Variants in TENM3 observed in about 807,000 individuals in gnomAD.
TENM3 encodes the protein teneurin-3.
In TENM3, 63 loss-of-function variants were observed where a neutral mutation model predicts 255.1. That is an observed-to-expected ratio of 0.25 (90% CI 0.20 to 0.30). The LOEUF is 0.30. Ranked by LOEUF, TENM3 falls within the 10% of genes least tolerant of loss-of-function variation. The probability of loss-of-function intolerance (pLI) is 1.00; values close to 1 mark genes in which losing one functional copy is unlikely to be tolerated. For synonymous variants in TENM3, 1,306 were observed against 1,322.3 expected (o/e 0.99, Z 0.27); for missense variants, 2,929 against 3,461.1 (o/e 0.85, Z 3.86).
At chr4:181,458,562 A>G in the TENM3 span, among the ~76,000 whole-genome samples, 6 of 151,886 alleles carry the variant, frequency 4.0e-5, no homozygotes, top group African/African-American at 7.2e-5. Context: ...AGGCAAGAAC[A>G]GTTTACTTTG....
the TENM3 span, among the ~76,000 whole-genome samples, chr4:182,122,749 A>G: frequency 6.6e-6 from 1 of 152,236 alleles, no homozygotes; most frequent in Non-Finnish European, 1.5e-5. Flanking sequence ...AACTAGCTAC[A>G]TTAGCTAGTT....
chr4:182,530,972 A>T (rs1450237186), intron 3 of TENM3, among the ~76,000 whole-genome samples: 3 of 152,154 alleles, frequency 2.0e-5, no homozygotes. Context: ...AGAGATGTCA[A>T]ATGGGCAGCT....
chr4:181,891,912 G>T, the TENM3 span, among the ~76,000 whole-genome samples: 2 of 152,090 alleles, frequency 1.3e-5, no homozygotes, highest in African/African-American at 4.8e-5. Flanking sequence ...AAGCCATGAG[G>T]ACTCCTTCCT....
the TENM3 span, among the ~76,000 whole-genome samples, chr4:181,568,326 G>A: frequency 6.6e-6 from 1 of 151,960 alleles, no homozygotes; most frequent in African/African-American, 2.4e-5. Flanking sequence ...ACCACACCCA[G>A]ATAATTGTTT....
chr4:182,037,150 A>ATTTTTTTTTTTTTTTTTTTT, the TENM3 span, among the ~76,000 whole-genome samples: 15 of 144,728 alleles, frequency 1.0e-4, no homozygotes, highest in African/African-American at 3.6e-4. Flanking sequence ...AACTCCTTTT[A>ATTTTTTTTTTTTTTTTTTTT]TTTTTTTTTT....
the TENM3 span, among the ~76,000 whole-genome samples, chr4:181,825,089 A>G: frequency 6.6e-6 from 1 of 152,200 alleles, no homozygotes; most frequent in African/African-American, 2.4e-5. Context: ...CAGTAGTCCT[A>G]CTGGCACTAA....
At chr4:181,723,702 A>G in the TENM3 span, among the ~76,000 whole-genome samples, 8 of 151,942 alleles carry the variant, frequency 5.3e-5, no homozygotes, top group Admixed American at 5.3e-4. Flanking sequence ...TAAGTTTCAC[A>G]GTGATGTGCA....
chr4:182,558,198 G>A (rs1417295143), intron 3 of TENM3, among the ~76,000 whole-genome samples: 3 of 152,188 alleles, frequency 2.0e-5, no homozygotes, highest in Non-Finnish European at 4.4e-5. Flanking sequence ...TGCCTGTAGC[G>A]AAAACGCTTG....
chr4:182,702,747 TC>T (rs1757975845), intron 12 of TENM3, among the ~76,000 whole-genome samples: 2 of 151,868 alleles, frequency 1.3e-5, no homozygotes, highest in African/African-American at 2.4e-5. Context: ...TTTTTTTTTT[TC>T]TTTTTTTGAG....
chr4:181,469,367 T>C, the TENM3 span, among the ~76,000 whole-genome samples: 1 of 152,194 alleles, frequency 6.6e-6, no homozygotes, highest in Non-Finnish European at 1.5e-5. Flanking sequence ...CTGCTACTTT[T>C]ATAAATTATT....
chr4:182,085,726 C>T, the TENM3 span, among the ~76,000 whole-genome samples: 5 of 152,026 alleles, frequency 3.3e-5, no homozygotes, highest in East Asian at 1.9e-4. Flanking sequence ...TAGCTGAATG[C>T]CCATTCTTTA....
chr4:181,714,163 C>T, the TENM3 span, among the ~76,000 whole-genome samples: 36 of 152,066 alleles, frequency 2.4e-4, no homozygotes, highest in Admixed American at 1.6e-3. Flanking sequence ...GGGCCAGGTG[C>T]GGTGGCTCAT....
the TENM3 span, among the ~76,000 whole-genome samples, chr4:181,592,664 T>C: frequency 4.2e-3 from 509 of 121,278 alleles, 5 homozygotes; most frequent in African/African-American, 0.012. Flanking sequence ...AAATCTCTCT[T>C]TTTTTTTTTT....
chr4:182,611,542 C>G (rs187825491), intron 4 of TENM3, among the ~76,000 whole-genome samples: 1 of 152,076 alleles, frequency 6.6e-6, no homozygotes, highest in African/African-American at 2.4e-5. Flanking sequence ...GCAAGCTAAT[C>G]AGTAGCTATT....
At chr4:181,726,850 C>T in the TENM3 span, among the ~76,000 whole-genome samples, 47 of 152,288 alleles carry the variant, frequency 3.1e-4, no homozygotes, top group Admixed American at 7.8e-4. Context: ...TCTGACCAAC[C>T]GGCTAAAATT....
chr4:182,089,726 C>T, the TENM3 span, among the ~76,000 whole-genome samples: 3 of 152,144 alleles, frequency 2.0e-5, no homozygotes, highest in East Asian at 1.9e-4. Flanking sequence ...TCAAAATAAA[C>T]AATATTTGCC....
At chr4:181,796,707 TCAG>T in the TENM3 span, among the ~76,000 whole-genome samples, 4 of 152,176 alleles carry the variant, frequency 2.6e-5, no homozygotes, top group East Asian at 1.9e-4. Context: ...GCCTAGACAC[TCAG>T]CAGGAGCGAG....
the TENM3 span, among the ~76,000 whole-genome samples, chr4:181,847,414 G>T: frequency 6.6e-6 from 1 of 152,008 alleles, no homozygotes; most frequent in Non-Finnish European, 1.5e-5. Context: ...CATTTGCATT[G>T]GTTCCCTTTC....
chr4:181,945,634 A>G, the TENM3 span, among the ~76,000 whole-genome samples: 1 of 152,044 alleles, frequency 6.6e-6, no homozygotes, highest in African/African-American at 2.4e-5. Context: ...AGGTTGACTA[A>G]GTGGAGTCAA....
Sources: allele counts gnomAD v4.1 joint callset (sites outside exome capture counted in the v4.1 genomes callset), GRCh38; gene constraint gnomAD v4.1.1; transcripts MANE v1.5; gene names NCBI Gene and HGNC (gene_info 2026-07-23, HGNC 2026-07-21).